CHIC1: variants seen among roughly 807,000 people sequenced by gnomAD.
CHIC1 encodes the protein cysteine rich hydrophobic domain 1.
Under a neutral mutation model 18.5 loss-of-function variants are expected in CHIC1, and 7 were observed. The ratio of observed to expected loss-of-function variants is 0.38; its 90% CI spans 0.22 to 0.71. The LOEUF is 0.71. CHIC1 is among the 30% of genes least tolerant of loss of function. CHIC1 has a pLI of 0.49. For missense variants in CHIC1, 159 were observed against 176.9 expected (o/e 0.90, Z 0.57); for synonymous variants, 77 against 73.5 (o/e 1.05, Z -0.25).
At chrX:73,617,795 C>T (rs913754264) in intron 3 of CHIC1, among the ~76,000 whole-genome samples, 1 of 111,898 alleles carries the variant, frequency 8.9e-6, no homozygotes, top group East Asian at 2.8e-4. Flanking sequence ...AGGGGATCTA[C>T]AATTCAAAAT....
At chrX:73,577,342 T>TA (rs1310926519) in intron 1 of CHIC1, 65 bp from the exon 2 acceptor site, 7 of 899,637 alleles carry the variant, frequency 7.8e-6, no homozygotes, top group African/African-American at 4.0e-5. Flanking sequence ...TAACTTTTTT[T>TA]TAAAAAAAAG....
intron 3 of CHIC1, among the ~76,000 whole-genome samples, chrX:73,601,866 A>G (rs1423715872): frequency 2.8e-5 from 3 of 106,610 alleles, no homozygotes; most frequent in African/African-American, 1.1e-4. Flanking sequence ...ACATTAAAAA[A>G]TGATAAAAGG....
chrX:73,619,406 T>C (rs762130892), intron 3 of CHIC1, among the ~76,000 whole-genome samples: 2 of 111,189 alleles, frequency 1.8e-5, no homozygotes, highest in South Asian at 7.8e-4. Context: ...GTGTTATTGA[T>C]CAGTAATGAT....
chrX:73,632,504 G>A (rs1370562860), intron 3 of CHIC1, among the ~76,000 whole-genome samples: 1 of 110,871 alleles, frequency 9.0e-6, no homozygotes, highest in Non-Finnish European at 1.9e-5. Flanking sequence ...TTTCCTGACT[G>A]GTTCGTAGTT....
chrX:73,648,196 C>A (rs1168118050), intron 3 of CHIC1, among the ~76,000 whole-genome samples: 3 of 108,017 alleles, frequency 2.8e-5, no homozygotes, highest in African/African-American at 1.0e-4. Context: ...ACAAAAACCC[C>A]AAGGGACAGC....
In CHIC1 at chrX:73,605,834, G is replaced by T. The variant is rs189517545; in HGVS notation, c.507+21262G>T. Among the ~76,000 whole-genome samples the T allele has an allele frequency of 2.2e-3, 244 of 108,600 alleles. 21 individuals are homozygous for T. Among genetic ancestry groups the T allele is most frequent in the African/African-American group, 8.2e-3 (229 of 27,952 alleles). The allele number at this position is 108,600 out of a possible 115,157, so 94.3% of individuals were successfully genotyped here. On this transcript the variant is annotated intron_variant, in intron 3 of 5. Coordinates refer to ENST00000373502, the MANE Select transcript of CHIC1 (RefSeq NM_001039840.4). ...TGAATATTGGCCCCCACTCTCTTCT[G>T]GCTTGTAGGGTTTCTGCAGAGAGAT...
At chrX:73,648,059 C>T (rs988605848) in intron 3 of CHIC1, among the ~76,000 whole-genome samples, 2 of 111,282 alleles carry the variant, frequency 1.8e-5, no homozygotes, top group Admixed American at 9.6e-5. Flanking sequence ...TGGAAGAGAA[C>T]CAGATGAATA....
chrX:73,612,658 T>C (rs1222976583), intron 3 of CHIC1, among the ~76,000 whole-genome samples: 1 of 111,952 alleles, frequency 8.9e-6, no homozygotes, highest in African/African-American at 3.2e-5. Context: ...TGTTCCATCG[T>C]GACCTGAAAA....
At chrX:73,572,585 GTA>G (rs2057476233) in intron 1 of CHIC1, among the ~76,000 whole-genome samples, 2 of 111,122 alleles carry the variant, frequency 1.8e-5, no homozygotes, top group African/African-American at 3.3e-5. Context: ...CACCAATGTT[GTA>G]TAAGTGTCCT....
At chrX:73,623,573 G>A (rs995218039) in intron 3 of CHIC1, among the ~76,000 whole-genome samples, 6 of 109,106 alleles carry the variant, frequency 5.5e-5, no homozygotes, top group East Asian at 5.8e-4. Flanking sequence ...GCCTACACAC[G>A]TAGAATTTTT....
chrX:73,565,005 A>C (rs1397532146), intron 1 of CHIC1, among the ~76,000 whole-genome samples: 1 of 110,163 alleles, frequency 9.1e-6, no homozygotes, highest in Admixed American at 9.7e-5. Flanking sequence ...TATATTAACA[A>C]ATATTTTGAA....
At position 73,563,431 on chromosome X, in the gene CHIC1, G is replaced by GGAAGAGGAGGAAGAGGAGGAGGAGGAA; in HGVS notation, c.159_185dup (p.Glu60_Glu68dup). ...CCGACGATGACGAGGAGGATGAGGA[G>GGAAGAGGAGGAAGAGGAGGAGGAGGAA]GAAGAGGAGGAAGAGGAGGAGGAGG... is the stretch of plus-strand genomic sequence containing the variant. On this transcript the variant is annotated inframe_insertion, in exon 1 of 6. Coordinates refer to ENST00000373502, the MANE Select transcript of CHIC1 (RefSeq NM_001039840.4). 6 of 1,149,678 alleles carry GGAAGAGGAGGAAGAGGAGGAGGAGGAA rather than the reference G, an allele frequency of 5.2e-6. No homozygotes were observed. Among genetic ancestry groups the GGAAGAGGAGGAAGAGGAGGAGGAGGAA allele is most frequent in the Non-Finnish European group, 6.9e-6 (6 of 864,733 alleles). The allele number at this position is 1,149,678 out of a possible 1,213,427, so 94.7% of individuals were successfully genotyped here. A position where few individuals can be genotyped will look rare whatever the true frequency, so the allele number is the denominator to read the frequency against.
chrX:73,615,824 G>C (rs1300339964), intron 3 of CHIC1, among the ~76,000 whole-genome samples: 1 of 111,173 alleles, frequency 9.0e-6, no homozygotes, highest in Middle Eastern at 4.2e-3. Context: ...TTGTTCCTGG[G>C]TCAGGTGGGG....
intron 3 of CHIC1, among the ~76,000 whole-genome samples, chrX:73,613,536 C>G (rs61439967): frequency 0.029 from 3,268 of 111,760 alleles, 56 homozygotes; most frequent in Non-Finnish European, 0.045. Context: ...TCACCAAGAG[C>G]AGATACTACA....
At chrX:73,658,347 T>A (rs1291232162) in intron 3 of CHIC1, among the ~76,000 whole-genome samples, 1 of 101,233 alleles carries the variant, frequency 9.9e-6, no homozygotes, top group African/African-American at 3.6e-5. Context: ...GGATTCACTT[T>A]CTTCCTGGTT....
At chrX:73,679,889 G>C (rs1603351539) in intron 5 of CHIC1, among the ~76,000 whole-genome samples, 176 bp downstream of exon 5, 1 of 111,472 alleles carries the variant, frequency 9.0e-6, no homozygotes, top group East Asian at 2.8e-4. Context: ...AAAATATCTT[G>C]AAAGCTAACA....
At position 73,683,335 on chromosome X, in the gene CHIC1, AT is replaced by A. The variant is rs1021319443; in HGVS notation, c.*2337del. On this transcript the variant is annotated 3_prime_UTR_variant, in exon 6 of 6. Transcript: ENST00000373502. Reference sequence around the variant, plus strand: ...TCTTCAACTACCCAAAAAAATACCAATTTTTTTCCTCTCTTGTATGACTACT... The same window carrying A: ...TCTTCAACTACCCAAAAAAATACCAATTTTTTCCTCTCTTGTATGACTACT... 3 of 111,058 alleles carry A rather than the reference AT, an allele frequency of 2.7e-5. No individual in the cohort carries two copies. The highest frequency in any genetic ancestry group is 3.8e-5 in the Non-Finnish European group (2 of 52,738). The allele number at this position is 111,058 out of a possible 1,213,427, so 9.2% of individuals were successfully genotyped here. A position where few individuals can be genotyped will look rare whatever the true frequency, so the allele number is the denominator to read the frequency against.
intron 3 of CHIC1, among the ~76,000 whole-genome samples, chrX:73,602,285 T>G (rs1017075044): frequency 3.6e-5 from 4 of 109,607 alleles, no homozygotes; most frequent in Non-Finnish European, 5.6e-5. Flanking sequence ...GATGAGCTTT[T>G]TTTCATGTTT....
intron 3 of CHIC1, among the ~76,000 whole-genome samples, chrX:73,627,846 C>T (rs1433246188): frequency 1.8e-5 from 2 of 111,778 alleles, no homozygotes; most frequent in Non-Finnish European, 3.8e-5. Context: ...ACTTTGCCCT[C>T]TGCTTTTCTT....
Sources: gnomAD v4.1 joint callset for allele counts (sites outside exome capture counted in the v4.1 genomes callset) on GRCh38, gnomAD v4.1.1 for gene constraint, MANE v1.5 for transcripts, NCBI Gene and HGNC (gene_info 2026-07-23, HGNC 2026-07-21) for gene names.